Variants in LRP2 observed in about 807,000 individuals in gnomAD.
LRP2 encodes LDL receptor related protein 2.
LRP2 carries 172 observed loss-of-function variants against 531.0 expected under a neutral mutation model. The ratio of observed to expected loss-of-function variants is 0.32; its 90% confidence interval spans 0.29 to 0.37. The LOEUF is 0.37. LRP2 is among the 10% of genes least tolerant of loss of function. LRP2 has a pLI of 1.00. For missense variants in LRP2, 5,167 were observed against 5,868.3 expected, an observed-to-expected ratio of 0.88 and a Z score of 3.90; for synonymous variants, 1,992 against 2,027.6, an observed-to-expected ratio of 0.98 and a Z score of 0.47.
intron 24 of LRP2, 63 bp from the exon 25 acceptor site, chr2:169,241,428 A>G: frequency 1.9e-6 from 3 of 1,575,174 alleles, no homozygotes; most frequent in Non-Finnish European, 2.6e-6. Context: ...TTTATAGTCT[A>G]GACTCAGAGG....
intron 68 of LRP2, 95 bp downstream of exon 68, chr2:169,150,803 A>T: frequency 1.3e-6 from 2 of 1,497,676 alleles, no homozygotes; most frequent in African/African-American, 1.4e-5. Flanking sequence ...GGACAATTTC[A>T]GTTAAACTAG....
At position 169,273,974 on chromosome 2, in the gene LRP2, G is replaced by A. The variant is rs575191368; in HGVS notation, c.1976-907C>T. On this transcript the variant is annotated intron_variant, in intron 14 of 78. Transcript: ENST00000649046. The stretch of plus-strand genomic sequence containing the variant: ...TTTTCAGATAAAATATCTATTTTTA[G>A]ACAAGTTTATACTTTCCCAGGATGA... Among the ~76,000 whole-genome samples, 5 of 152,190 alleles carry A rather than the reference G, an allele frequency of 3.3e-5. 1 individual carries two copies. Among genetic ancestry groups the A allele is most frequent in the African/African-American group, 1.2e-4 (5 of 41,544 alleles).
intron 34 of LRP2, among the ~76,000 whole-genome samples, chr2:169,218,615 A>G (rs1310638323): frequency 6.6e-6 from 1 of 152,104 alleles, no homozygotes; most frequent in East Asian, 1.9e-4. Flanking sequence ...CCACTTGCCA[A>G]AATTAATGTC....
At chr2:169,268,658 CA>C (rs1174656384) in intron 16 of LRP2, among the ~76,000 whole-genome samples, 3 of 152,128 alleles carry the variant, frequency 2.0e-5, no homozygotes, top group Non-Finnish European at 4.4e-5. Context: ...ACTGAATGGA[CA>C]AAAACTGGAA....
chr2:169,291,853 T>C (rs1684006868), intron 7 of LRP2, among the ~76,000 whole-genome samples: 1 of 152,154 alleles, frequency 6.6e-6, no homozygotes, highest in African/African-American at 2.4e-5. Flanking sequence ...TTTTTAAAGA[T>C]TGTAAGGTCT....
chr2:169,285,493 AC>A (rs763144780), intron 9 of LRP2, among the ~76,000 whole-genome samples: 2 of 152,156 alleles, frequency 1.3e-5, no homozygotes, highest in Non-Finnish European at 2.9e-5. Context: ...AAACACTAAA[AC>A]ACTACTTTAC....
At chr2:169,254,264 C>A (rs1417028512) in intron 19 of LRP2, among the ~76,000 whole-genome samples, 1 of 76,230 alleles carries the variant, frequency 1.3e-5, no homozygotes, top group Non-Finnish European at 2.3e-5. Context: ...CAATGATAGA[C>A]TGGATTAAGA....
At chr2:169,277,322 T>C (rs1336222749) in intron 13 of LRP2, among the ~76,000 whole-genome samples, 1 of 151,148 alleles carries the variant, frequency 6.6e-6, no homozygotes, top group Non-Finnish European at 1.5e-5. Context: ...AAGAGCAGAG[T>C]AAAATCCAAT....
intron 31 of LRP2, among the ~76,000 whole-genome samples, chr2:169,227,012 T>C (rs1689224528): frequency 6.6e-6 from 1 of 152,116 alleles, no homozygotes; most frequent in South Asian, 2.1e-4. Flanking sequence ...GAGACTATTC[T>C]TGTGAAAGGC....
At position 169,182,249 on chromosome 2, in the gene LRP2, T is replaced by G; in HGVS notation, c.9916A>C (p.Met3306Leu). The change falls in exon 51 of 79, where the codon ATG becomes CTG. Residue 3306 changes from methionine (M) to leucine (L), a missense_variant. This residue lies in a region of LRP2 where 1,129 missense variants were observed against 1,362.7 expected (regional missense o/e 0.83). Transcript: ENST00000649046. Reference protein sequence around the residue: ...VSDLNGGHRRMLAQHCVDANN... With the variant: ...VSDLNGGHRRLLAQHCVDANN... ...GCATCCACACAGTGCTGGGCCAGCA[T>G]GCGGCGGTGTCCACCATTGAGGTCA... 3.7e-6 allele frequency: 6 copies of G among 1,614,088 alleles called. No homozygotes were observed. Among genetic ancestry groups the G allele is most frequent in the Non-Finnish European group, 5.1e-6 (6 of 1,179,976 alleles).
chr2:169,206,351 T>A lies in LRP2; in HGVS notation c.7369A>T (p.Thr2457Ser). The change falls in exon 39 of 79, where the codon ACT (threonine) becomes TCT (serine). Residue 2457 changes from threonine to serine, a missense_variant. By Grantham distance (58) the Thr-to-Ser change is moderately conservative. This residue lies in a region of LRP2 where 1,129 missense variants were observed against 1,362.7 expected (regional missense o/e 0.83). Transcript: ENST00000649046. ...SYATLSSGIH[T>S]PTVIASGIGT... Reference sequence around the variant, plus strand: ...TTACCTGAAGCAATGACAGTTGGAGTATGGATCCCTGAAGACAGGGTGGCA... The same window carrying A: ...TTACCTGAAGCAATGACAGTTGGAGAATGGATCCCTGAAGACAGGGTGGCA... 1.2e-6 allele frequency: 2 copies of A among 1,613,844 alleles called. No individual in the cohort carries two copies. The highest frequency in any genetic ancestry group is 2.2e-5 in the South Asian group (2 of 91,066).
intron 20 of LRP2, 150 bp downstream of exon 20, chr2:169,247,228 C>CT: frequency 1.0e-6 from 1 of 959,516 alleles, no homozygotes; most frequent in African/African-American, 1.7e-5. Context: ...GATTTCAAGT[C>CT]TTACACTCTT....
At position 169,169,788 on chromosome 2, in the gene LRP2, T is replaced by C; in HGVS notation, c.11411A>G (p.Gln3804Arg). 2 of 1,613,614 alleles carry C rather than the reference T, an allele frequency of 1.2e-6. No homozygotes were observed. The highest frequency in any genetic ancestry group is 1.1e-5 in the South Asian group (1 of 91,070). ...EMRTCHPEYF[Q>R]CTSGHCVHSE... ...GTGTACACAATGTCCACTTGTACACTGAAAATATTCAGGATGGCAGGTCCT... is the reference window on the plus strand; with the variant it reads ...GTGTACACAATGTCCACTTGTACACCGAAAATATTCAGGATGGCAGGTCCT... Residue 3804 changes from glutamine (Q) to arginine (R), a missense_variant, in exon 60 of 79, where the codon CAG (glutamine) becomes CGG (arginine). Around this residue, in one of 6 missense-constraint regions of LRP2, gnomAD observed 564 missense variants for 747.7 expected, o/e 0.75. Coordinates refer to ENST00000649046, the MANE Select transcript of LRP2 (RefSeq NM_004525.3).
chr2:169,157,415 G>A lies in LRP2; in HGVS notation c.11975C>T (p.Thr3992Ile). 4 of 1,613,406 alleles carry A rather than the reference G, an allele frequency of 2.5e-6. No individual in the cohort carries two copies. Among genetic ancestry groups the A allele is most frequent in the Non-Finnish European group, 3.4e-6 (4 of 1,179,558 alleles). The change falls in exon 64 of 79, where the codon ACA becomes ATA. Residue 3992 changes from threonine (T) to isoleucine (I), a missense_variant. This residue lies in a region of LRP2 where 564 missense variants were observed against 747.7 expected (regional missense o/e 0.75). Transcript: ENST00000649046. ...AAAAACATTGGTTTCGAACCCAGCT[G>A]TACAGGAGCAGATAAATCCTCCTTC... ...LNEGGFICSC[T>I]AGFETNVFDR...
intron 31 of LRP2, among the ~76,000 whole-genome samples, chr2:169,229,513 A>G (rs1689325437): frequency 6.6e-6 from 1 of 152,132 alleles, no homozygotes; most frequent in Non-Finnish European, 1.5e-5. Flanking sequence ...ACCGAGTCAG[A>G]AGTCTATTTG....
chr2:169,326,426 C>T (rs1193168554), intron 1 of LRP2, among the ~76,000 whole-genome samples: 6 of 151,250 alleles, frequency 4.0e-5, no homozygotes, highest in African/African-American at 1.5e-4. Flanking sequence ...CTGTGTTGGC[C>T]GGGCTGGTCT....
chr2:169,353,931 C>G (rs1022862672), intron 1 of LRP2, among the ~76,000 whole-genome samples: 19 of 152,178 alleles, frequency 1.2e-4, no homozygotes, highest in African/African-American at 4.3e-4. Context: ...GTTGAGGCTG[C>G]AGGGAGCCAT....
intron 35 of LRP2, among the ~76,000 whole-genome samples, chr2:169,214,685 C>G (rs1688715144): frequency 1.3e-5 from 2 of 152,084 alleles, no homozygotes; most frequent in Admixed American, 1.3e-4. Flanking sequence ...GAGTGGAGGC[C>G]AGGACCAGAT....
intron 1 of LRP2, among the ~76,000 whole-genome samples, chr2:169,326,427 G>A (rs1238353886): frequency 7.1e-4 from 108 of 151,730 alleles, no homozygotes; most frequent in Non-Finnish European, 1.0e-3. Flanking sequence ...TGTGTTGGCC[G>A]GGCTGGTCTC....
Sources: allele counts gnomAD v4.1 joint callset (sites outside exome capture counted in the v4.1 genomes callset), GRCh38; gene constraint gnomAD v4.1.1; regional missense constraint gnomAD v4.1.1; transcripts MANE v1.5; gene names NCBI Gene and HGNC (gene_info 2026-07-23, HGNC 2026-07-21).